The following C9orf72 variants were observed in gnomAD, a reference collection of about 807,000 sequenced individuals.
The protein encoded by C9orf72 is guanine nucleotide exchange factor C9orf72.
Under a neutral mutation model 51.6 loss-of-function variants are expected in C9orf72, and 44 were observed. The observed-to-expected ratio is 0.85, with a 90% CI of 0.67 to 1.10. The LOEUF (loss-of-function observed/expected upper bound fraction) is 1.10. C9orf72 is among the 50% of genes least tolerant of loss of function. The pLI is 0.00. For missense variants in C9orf72, 607 were observed against 570.6 expected (o/e 1.06, Z -0.65); for synonymous variants, 213 against 194.2 (o/e 1.10, Z -0.81).
intron 9 of C9orf72, 66 bp downstream of exon 9, chr9:27,550,584 T>C (rs915830855): frequency 5.6e-5 from 54 of 971,074 alleles, no homozygotes; most frequent in African/African-American, 1.6e-4. Flanking sequence ...ACAGGCATTG[T>C]AGGATATATT....
chr9:27,549,879 T>C lies in C9orf72; in HGVS notation c.1149+771A>G, dbSNP rs1820871404. On this transcript the variant is annotated intron_variant, in intron 9 of 10. Transcript: ENST00000380003. ...CACTCTTAATTGTTAATATACAGGC[T>C]CTTCCCCATTAATAAGTCAAAAGGA... Among the ~76,000 whole-genome samples the C allele has an allele frequency of 5.3e-5, 8 of 151,626 alleles. No homozygotes were observed. The South Asian group carries it at 1.5e-3, about 27-fold the overall frequency.
intron 5 of C9orf72, chr9:27,560,999 A>ATATATTTTTT: frequency 5.6e-6 from 1 of 178,334 alleles, no homozygotes; most frequent in Admixed American, 6.5e-5. Context: ...TGTTCCAGGC[A>ATATATTTTTT]CTGTTCTAAG....
rs773877285 is a variant in C9orf72, at chr9:27,550,688, A to T, written c.1111T>A (p.Leu371Ile). The T allele has an allele frequency of 6.3e-7, 1 of 1,587,272 alleles. No individual in the cohort carries two copies. The highest frequency in any genetic ancestry group is 8.6e-7 in the Non-Finnish European group (1 of 1,163,506). ...GCTTTCACTAGAGTGTCTCTGTGTAAGACATCTTGAAAAATATTCCTGAAG... is the reference window on the plus strand; with the variant it reads ...GCTTTCACTAGAGTGTCTCTGTGTATGACATCTTGAAAAATATTCCTGAAG... ...TPDLNIFQDVLHRDTLVKAFL... is the reference protein window; with the variant it reads ...TPDLNIFQDVIHRDTLVKAFL... Residue 371 changes from leucine (L) to isoleucine (I), a missense_variant, in exon 9 of 11, where the codon TTA (leucine) becomes ATA (isoleucine). By Grantham distance (5) the Leu-to-Ile change is conservative (BLOSUM62 2). Transcript: ENST00000380003.
intron 7 of C9orf72, 96 bp from the exon 8 acceptor site, chr9:27,556,892 C>G: frequency 1.2e-6 from 1 of 816,568 alleles, no homozygotes; most frequent in South Asian, 1.7e-5. Context: ...TTAGCAAATC[C>G]ATCTCTAAAA....
chr9:27,560,360 A>G, intron 5 of C9orf72, 61 bp from the exon 6 acceptor site: 1 of 1,356,264 alleles, frequency 7.4e-7, no homozygotes, highest in South Asian at 1.3e-5. Flanking sequence ...CAAACTAAAA[A>G]CAAAAAAAAG....
chr9:27,550,562 T>C, intron 9 of C9orf72, 88 bp downstream of exon 9: 1 of 790,616 alleles, frequency 1.3e-6, no homozygotes, highest in Non-Finnish European at 2.1e-6. Flanking sequence ...CAGGGGAATA[T>C]AAATATATAG....
chr9:27,573,546 C>T (rs1187670613), upstream of C9orf72: 1 of 149,528 alleles, frequency 6.7e-6, no homozygotes, highest in Non-Finnish European at 1.5e-5. Flanking sequence ...GCCCCGGCCC[C>T]TAGCGCGCGA....
intron 8 of C9orf72, among the ~76,000 whole-genome samples, chr9:27,550,929 G>T (rs934917728): frequency 6.6e-6 from 1 of 151,976 alleles, no homozygotes; most frequent in Non-Finnish European, 1.5e-5. Context: ...ACTGGTGTTT[G>T]TCAGGCTAAT....
At position 27,548,236 on chromosome 9, in the gene C9orf72, T is replaced by C. The variant is rs200237437; in HGVS notation, c.1446A>G (p.Ter482=). 5.0e-6 allele frequency: 8 copies of C among 1,604,574 alleles called. No individual in the cohort carries two copies. The Admixed American group carries it at 6.8e-5, about 14-fold the overall frequency. ...GGAATAGGCTTATTAAGTTACACAT[T>C]TAAAAAGTCATTAGAACATCTCGTT... The part of the protein sequence containing the change: ...VQERDVLMTF[*] The change falls in exon 11 of 11, where the codon TAA becomes TAG. Residue 482 remains the stop codon, a stop_retained_variant. Transcript: ENST00000380003.
intron 7 of C9orf72, among the ~76,000 whole-genome samples, chr9:27,557,523 T>G (rs2131534935): frequency 6.6e-6 from 1 of 152,212 alleles, no homozygotes; most frequent in South Asian, 2.1e-4. Context: ...CTATTAAATA[T>G]TTTTTCATTA....
At chr9:27,571,930 G>C (rs1379857658) in intron 1 of C9orf72, among the ~76,000 whole-genome samples, 2 of 152,184 alleles carry the variant, frequency 1.3e-5, no homozygotes, top group African/African-American at 4.8e-5. Context: ...GGGAAGACTG[G>C]AAGGTGAAGT....
intron 7 of C9orf72, among the ~76,000 whole-genome samples, chr9:27,558,091 G>C (rs1819251876): frequency 6.7e-6 from 1 of 149,468 alleles, no homozygotes; most frequent in Non-Finnish European, 1.5e-5. Context: ...ATATATTTTA[G>C]TACACATACA....
At chr9:27,566,602 T>A (rs1819471347) in intron 2 of C9orf72, 75 bp downstream of exon 2, 6 of 1,044,038 alleles carry the variant, frequency 5.7e-6, no homozygotes, top group Non-Finnish European at 7.0e-6. Context: ...ATTAAAAAAA[T>A]AAGATTTATA....
chr9:27,557,582 A>G (rs1175756071), intron 7 of C9orf72, among the ~76,000 whole-genome samples: 1 of 152,110 alleles, frequency 6.6e-6, no homozygotes, highest in Non-Finnish European at 1.5e-5. Context: ...GGTCCCTTTC[A>G]GAACTAAAAT....
In C9orf72 at chr9:27,556,597, G is replaced by A. The variant is rs557931293; in HGVS notation, c.1055C>T (p.Thr352Met). 26 of 1,613,554 alleles carry A rather than the reference G, an allele frequency of 1.6e-5. No homozygotes were observed. The Middle Eastern group carries it at 1.5e-3, about 92-fold the overall frequency. Residue 352 changes from threonine (T) to methionine (M), a missense_variant, in exon 8 of 11, where the codon ACG (threonine) becomes ATG (methionine). Transcript: ENST00000380003. ...AAAGCTTTCGTCAGTGTAGATGATC[G>A]TATCCTGAGCCATGTCTTCTTCTGA... is the stretch of plus-strand genomic sequence containing the variant. ...ATSEEDMAQDTIIYTDESFTP... is the reference protein window; with the variant it reads ...ATSEEDMAQDMIIYTDESFTP...
At chr9:27,556,449 CT>C in intron 8 of C9orf72, 111 bp downstream of exon 8, 1 of 668,208 alleles carries the variant, frequency 1.5e-6, no homozygotes, top group Non-Finnish European at 2.6e-6. Context: ...AAGCATAATT[CT>C]GCTGGTAATA....
At chr9:27,557,905 C>T (rs375532868) in intron 7 of C9orf72, among the ~76,000 whole-genome samples, 2 of 151,808 alleles carry the variant, frequency 1.3e-5, no homozygotes, top group African/African-American at 2.4e-5. Flanking sequence ...TATTTCTTCA[C>T]GTCTTGGGAC....
chr9:27,566,798 C>A lies in C9orf72; in HGVS notation c.323G>T (p.Ser108Ile). The A allele has an allele frequency of 1.2e-6, 2 of 1,613,842 alleles. No individual in the cohort carries two copies. Among genetic ancestry groups the A allele is most frequent in the Non-Finnish European group, 1.7e-6 (2 of 1,179,788 alleles). Residue 108 changes from serine to isoleucine, a missense_variant, in exon 2 of 11, where the codon AGC becomes ATC. Ser to Ile is a moderately radical substitution (Grantham distance 142). Transcript: ENST00000380003. ...IFDGNWNGDR[S>I]TYGLSIILPQ... Reference sequence around the variant, plus strand: ...AAGTATAATTGATAGTCCATATGTGCTGCGATCCCCATTCCAGTTTCCATC... The same window carrying A: ...AAGTATAATTGATAGTCCATATGTGATGCGATCCCCATTCCAGTTTCCATC...
chr9:27,559,036 A>G (rs953241612), intron 6 of C9orf72: 9 of 153,710 alleles, frequency 5.9e-5, no homozygotes, highest in African/African-American at 2.2e-4. Flanking sequence ...GATTTAAAAT[A>G]AGCAGGTCAT....
Sources: allele counts gnomAD v4.1 joint callset (sites outside exome capture counted in the v4.1 genomes callset), GRCh38; gene constraint gnomAD v4.1.1; transcripts MANE v1.5; gene names NCBI Gene and HGNC (gene_info 2026-07-23, HGNC 2026-07-21).